RAP1GAP2: variants seen among roughly 807,000 people sequenced by gnomAD.
RAP1GAP2 encodes the protein rap1 GTPase-activating protein 2.
A neutral mutation model predicts 95.0 loss-of-function variants in RAP1GAP2; 27 were observed. The observed-to-expected ratio is 0.28, with a 90% CI of 0.21 to 0.39. The LOEUF (loss-of-function observed/expected upper bound fraction) is 0.39, where lower values mean the gene tolerates loss of function less well. Ranked by LOEUF, RAP1GAP2 falls within the 10% of genes least tolerant of loss-of-function variation. The pLI is 1.00. For missense variants in RAP1GAP2, 771 were observed against 970.0 expected, an observed-to-expected ratio of 0.79 and a Z score of 2.72; for synonymous variants, 373 against 380.9, an observed-to-expected ratio of 0.98 and a Z score of 0.24.
intron 1 of RAP1GAP2, among the ~76,000 whole-genome samples, chr17:2,788,588 G>T (rs1334113225): frequency 2.6e-5 from 4 of 152,142 alleles, no homozygotes; most frequent in African/African-American, 9.7e-5. Context: ...CCCCAGCCAG[G>T]CATGAGCCAC....
intron 2 of RAP1GAP2, among the ~76,000 whole-genome samples, chr17:2,816,982 C>CTTTTT (rs148255771): frequency 8.2e-5 from 4 of 48,678 alleles, no homozygotes; most frequent in Admixed American, 2.4e-4. Context: ...TCAGAATTTC[C>CTTTTT]TTTTTTTTTT....
intron 17 of RAP1GAP2, among the ~76,000 whole-genome samples, chr17:3,009,927 AG>A (rs1299800657): frequency 6.6e-6 from 1 of 152,062 alleles, no homozygotes; most frequent in African/African-American, 2.4e-5. Flanking sequence ...GAAGGCAGGA[AG>A]GGGGGCACCA....
intron 2 of RAP1GAP2, among the ~76,000 whole-genome samples, chr17:2,808,068 C>T (rs879718345): frequency 3.3e-5 from 5 of 152,154 alleles, no homozygotes; most frequent in Non-Finnish European, 5.9e-5. Flanking sequence ...GGCCTGTTAA[C>T]AGGAACCTCT....
At chr17:2,944,654 G>A (rs1391450183) in intron 3 of RAP1GAP2, among the ~76,000 whole-genome samples, 1 of 152,102 alleles carries the variant, frequency 6.6e-6, no homozygotes, top group African/African-American at 2.4e-5. Flanking sequence ...GAGCTTTTCA[G>A]TTTCTTCAAA....
chr17:2,982,133 C>A (rs1238558487), intron 10 of RAP1GAP2, among the ~76,000 whole-genome samples: 3 of 152,140 alleles, frequency 2.0e-5, no homozygotes, highest in Non-Finnish European at 4.4e-5. Context: ...CATCCAGAAT[C>A]CCCTGGAACA....
intron 2 of RAP1GAP2, among the ~76,000 whole-genome samples, chr17:2,816,690 C>A (rs1489536696): frequency 3.2e-5 from 2 of 63,188 alleles, no homozygotes; most frequent in African/African-American, 4.3e-5. Flanking sequence ...TTTAAGTGCA[C>A]CATTCTGTGA....
chr17:2,799,840 A>G (rs973695109), intron 1 of RAP1GAP2, among the ~76,000 whole-genome samples: 1 of 151,966 alleles, frequency 6.6e-6, no homozygotes, highest in Admixed American at 6.6e-5. Flanking sequence ...TAAAAATAGA[A>G]CCTCAGCGGC....
At chr17:2,782,105 G>GC (rs1258885916) in intron 1 of RAP1GAP2, among the ~76,000 whole-genome samples, 1 of 152,206 alleles carries the variant, frequency 6.6e-6, no homozygotes, top group African/African-American at 2.4e-5. Context: ...AGGATTTCCT[G>GC]CCCCCACGGA....
intron 1 of RAP1GAP2, among the ~76,000 whole-genome samples, chr17:2,762,282 T>C (rs1327622884): frequency 1.3e-5 from 2 of 151,760 alleles, no homozygotes; most frequent in Non-Finnish European, 2.9e-5. Context: ...CCACTGCGCC[T>C]GGCCGTCCAT....
At chr17:3,010,353 A>G (rs1368008175) in intron 17 of RAP1GAP2, among the ~76,000 whole-genome samples, 1 of 151,772 alleles carries the variant, frequency 6.6e-6, no homozygotes, top group African/African-American at 2.4e-5. Context: ...AAAAAAAAAA[A>G]AAAAAAAGAA....
chr17:2,764,324 C>T lies in RAP1GAP2; in HGVS notation c.51-6005C>T, dbSNP rs570648853. Among the ~76,000 whole-genome samples the T allele has an allele frequency of 2.2e-3, 330 of 151,358 alleles. 3 individuals are homozygous for T. The highest frequency in any genetic ancestry group is 3.5e-3 in the Non-Finnish European group (239 of 67,846). On this transcript the variant is annotated intron_variant, in intron 1 of 25. Coordinates refer to the RAP1GAP2 transcript ENST00000637138. The stretch of plus-strand genomic sequence containing the variant: ...GCGGGCGCCTGTAATCCCAGCTACT[C>T]GGGAGGCTGAGGCAGGCGAATTGCA...
At chr17:2,826,907 G>A (rs1267899112) in intron 2 of RAP1GAP2, among the ~76,000 whole-genome samples, 1 of 152,176 alleles carries the variant, frequency 6.6e-6, no homozygotes, top group Non-Finnish European at 1.5e-5. Context: ...TTGGGAGGCT[G>A]AGACAAGAGA....
intron 2 of RAP1GAP2, among the ~76,000 whole-genome samples, chr17:2,851,601 C>T (rs537109469): frequency 1.5e-4 from 23 of 152,186 alleles, no homozygotes; most frequent in Middle Eastern, 3.4e-3. Flanking sequence ...TGAGAGGTTA[C>T]GATTTTTTGG....
At chr17:2,875,817 A>T (rs1379877213) in intron 2 of RAP1GAP2, among the ~76,000 whole-genome samples, 1 of 151,456 alleles carries the variant, frequency 6.6e-6, no homozygotes, top group Admixed American at 6.6e-5. Flanking sequence ...CTCCGCTTGG[A>T]CATCCGATAG....
rs947705182 is a variant in RAP1GAP2 at position 2,903,013 on chromosome 17, CTG to C, written c.81-2265_81-2264del. On this transcript the variant is annotated intron_variant, in intron 2 of 24. Coordinates refer to ENST00000254695, the MANE Select transcript of RAP1GAP2 (RefSeq NM_015085.5). This position sits in a 1 kb window ranked among gnomAD's most constrained non-coding sequence, Gnocchi z 4.1. ...AAAACCAGCTCTGTCCTCCTCTGGA[CTG>C]TGTGTTTCTGGAGAGCCAGGGCTGC... is the stretch of plus-strand genomic sequence containing the variant. 6.6e-6 allele frequency among the ~76,000 whole-genome samples: 1 copy of C among 152,198 alleles called. No individual in the cohort carries two copies. Among genetic ancestry groups the C allele is most frequent in the African/African-American group, 2.4e-5 (1 of 41,452 alleles).
intron 3 of RAP1GAP2, among the ~76,000 whole-genome samples, chr17:2,935,562 A>G (rs1466894017): frequency 6.6e-6 from 1 of 152,128 alleles, no homozygotes; most frequent in Non-Finnish European, 1.5e-5. Context: ...GGTCTGACAG[A>G]TAGAGTGAGA....
intron 2 of RAP1GAP2, among the ~76,000 whole-genome samples, chr17:2,876,558 T>C (rs889084442): frequency 6.6e-6 from 1 of 152,162 alleles, no homozygotes; most frequent in Admixed American, 6.6e-5. Context: ...TAGAAAGGAA[T>C]GTCAGGGTTA....
chr17:2,835,329 C>T (rs553468024), intron 2 of RAP1GAP2, among the ~76,000 whole-genome samples: 1 of 152,304 alleles, frequency 6.6e-6, no homozygotes, highest in Non-Finnish European at 1.5e-5. Context: ...AAGCGATTCT[C>T]CTGCCTCAGC....
intron 10 of RAP1GAP2, among the ~76,000 whole-genome samples, chr17:2,983,471 G>A (rs2045448046): frequency 6.6e-6 from 1 of 152,122 alleles, no homozygotes; most frequent in Admixed American, 6.6e-5. Context: ...CAAAGATATT[G>A]CGCCATCTTT....
Sources: allele counts gnomAD v4.1 joint callset (sites outside exome capture counted in the v4.1 genomes callset), GRCh38; gene constraint gnomAD v4.1.1; non-coding constraint Gnocchi (gnomAD v3.1); transcripts MANE v1.5; gene names NCBI Gene and HGNC (gene_info 2026-07-23, HGNC 2026-07-21).